USP40: variants seen among roughly 807,000 people sequenced by gnomAD.
USP40 encodes ubiquitin specific peptidase 40, also known as ubiquitin carboxyl-terminal hydrolase 40.
USP40 carries 143 observed loss-of-function variants against 166.2 expected under a neutral mutation model. That is an observed-to-expected ratio of 0.86 (90% CI 0.75 to 0.99). USP40 has a LOEUF of 0.99. Among genes scored for constraint, USP40 ranks in the 50% least tolerant of loss-of-function variants. The pLI, the probability that USP40 is intolerant of heterozygous loss-of-function variation, is 0.00. For missense variants in USP40, 1,444 were observed against 1,479.7 expected (o/e 0.98, Z 0.40); for synonymous variants, 498 against 524.0 (o/e 0.95, Z 0.68).
chr2:233,547,811 T>C (rs2070124290), intron 8 of USP40, among the ~76,000 whole-genome samples: 1 of 152,230 alleles, frequency 6.6e-6, no homozygotes, highest in Non-Finnish European at 1.5e-5. Context: ...CCACTGAGTA[T>C]GTGTGTGTAT....
intron 10 of USP40, among the ~76,000 whole-genome samples, chr2:233,534,941 AG>A (rs2068832296): frequency 6.6e-6 from 1 of 152,192 alleles, no homozygotes; most frequent in Admixed American, 6.5e-5. Context: ...TAGGCAAAAA[AG>A]GAAAACAACT....
intron 21 of USP40, among the ~76,000 whole-genome samples, chr2:233,500,828 T>C (rs999237248): frequency 6.6e-6 from 1 of 152,250 alleles, no homozygotes; most frequent in Non-Finnish European, 1.5e-5. Flanking sequence ...CATTTCTATA[T>C]GTATGTATAT....
intron 31 of USP40, among the ~76,000 whole-genome samples, chr2:233,478,754 C>T (rs977198073): frequency 3.9e-5 from 6 of 152,142 alleles, no homozygotes; most frequent in South Asian, 2.1e-4. Flanking sequence ...CACCATGAGA[C>T]GGGGCAGCTG....
At chr2:233,477,639 A>G in intron 31 of USP40, 136 bp from the exon 32 acceptor site, 9 of 756,436 alleles carry the variant, frequency 1.2e-5, no homozygotes, top group Non-Finnish European at 1.7e-5. Flanking sequence ...GACAGATCTC[A>G]GCCACCTGCC....
At chr2:233,537,345 G>T (rs571873851) in intron 10 of USP40, among the ~76,000 whole-genome samples, 10 of 152,130 alleles carry the variant, frequency 6.6e-5, no homozygotes, top group African/African-American at 1.9e-4. Flanking sequence ...GATATGGAAG[G>T]ATATAGTTAG....
intron 10 of USP40, among the ~76,000 whole-genome samples, chr2:233,538,161 A>C (rs2125299958): frequency 6.6e-6 from 1 of 152,296 alleles, no homozygotes; most frequent in South Asian, 2.1e-4. Context: ...AGCCAACAAA[A>C]GAGCTAAAAA....
chr2:233,540,526 G>A, intron 10 of USP40, 136 bp downstream of exon 10: 1 of 550,290 alleles, frequency 1.8e-6, no homozygotes, highest in Non-Finnish European at 3.2e-6. Flanking sequence ...AACTTAGTAG[G>A]ATTCTAGCCA....
chr2:233,488,400 G>T (rs2065088635), intron 27 of USP40, 96 bp from the exon 28 acceptor site: 6 of 1,226,612 alleles, frequency 4.9e-6, no homozygotes, highest in Non-Finnish European at 6.9e-6. Flanking sequence ...CTTAAGCAAA[G>T]AATTGTTTTC....
chr2:233,555,132 G>A (rs1051010916), intron 5 of USP40, among the ~76,000 whole-genome samples: 9 of 152,148 alleles, frequency 5.9e-5, no homozygotes, highest in Admixed American at 2.0e-4. Flanking sequence ...GGCGGAGGTC[G>A]CAGTGAGCCG....
rs139962694 is a variant in USP40 at position 233,559,681 on chromosome 2, G to T, written c.381+130C>A. 2.3e-3 allele frequency: 1,230 copies of T among 530,156 alleles called. 5 individuals carry two copies. The highest frequency in any genetic ancestry group is 0.022 in the African/African-American group (1,112 of 51,178). 32.8% of individuals were successfully genotyped at this position (530,156 alleles called of 1,614,324 possible). A position where few individuals can be genotyped will look rare whatever the true frequency, so the allele number is the denominator to read the frequency against. ...TATTTCTGGCTTGTAATTTTTTAAT[G>T]TGAGAAGGAAACATTCAAACAATAT... On this transcript the variant is annotated intron_variant, in intron 4 of 31. Transcript: ENST00000678225.
chr2:233,507,060 G>A (rs373118902), intron 21 of USP40, among the ~76,000 whole-genome samples: 2 of 151,842 alleles, frequency 1.3e-5, no homozygotes, highest in African/African-American at 2.4e-5. Context: ...CAACAGGTAC[G>A]CACACAAAAA....
At chr2:233,499,997 G>C (rs1289381073) in intron 21 of USP40, 82 bp from the exon 22 acceptor site, 1 of 1,165,262 alleles carries the variant, frequency 8.6e-7, no homozygotes, top group African/African-American at 1.5e-5. Flanking sequence ...TGGACCCTAG[G>C]CCTATTTAAG....
In USP40 at chr2:233,477,486, T is replaced by C. The variant is rs1486685842; in HGVS notation, c.3617A>G (p.Glu1206Gly). 2.5e-6 allele frequency: 4 copies of C among 1,613,492 alleles called. No homozygotes were observed. Among genetic ancestry groups the C allele is most frequent in the Non-Finnish European group, 3.4e-6 (4 of 1,179,814 alleles). ...ACTGGAGAGGATGTAGCTGCTCTGCTCATGGAGGGCTTCTTGGCTGCAGAG... is the reference window on the plus strand; with the variant it reads ...ACTGGAGAGGATGTAGCTGCTCTGCCCATGGAGGGCTTCTTGGCTGCAGAG... ...GRRKSQEALH[E>G]QSSYILSSAE... The change falls in exon 32 of 32, where the codon GAG becomes GGG. Residue 1206 changes from glutamate (E) to glycine (G), a missense_variant. Physicochemically the swap from Glu to Gly is moderately conservative, Grantham distance 98. Transcript: ENST00000678225.
chr2:233,495,432 T>C (rs1377303837), intron 24 of USP40, among the ~76,000 whole-genome samples: 1 of 152,096 alleles, frequency 6.6e-6, no homozygotes, highest in Non-Finnish European at 1.5e-5. Context: ...TTTAAATTTT[T>C]ATTGAAAAGA....
intron 31 of USP40, among the ~76,000 whole-genome samples, chr2:233,478,589 T>C (rs2064335045): frequency 6.6e-6 from 1 of 152,250 alleles, no homozygotes; most frequent in South Asian, 2.1e-4. Flanking sequence ...TGCAGAAATC[T>C]GTCCTACAGA....
intron 29 of USP40, 61 bp downstream of exon 29, chr2:233,485,706 G>A: frequency 1.2e-6 from 2 of 1,601,830 alleles, no homozygotes; most frequent in Non-Finnish European, 1.7e-6. Flanking sequence ...GTGAAAAATT[G>A]CATAACCTCA....
chr2:233,499,953 TTC>T, intron 21 of USP40, 38 bp from the exon 22 acceptor site: 2 of 1,595,984 alleles, frequency 1.3e-6, no homozygotes, highest in Non-Finnish European at 1.7e-6. Flanking sequence ...AGTTTTCTGT[TTC>T]TGAGTTACAG....
intron 28 of USP40, chr2:233,487,980 C>T (rs1264550982): frequency 1.5e-6 from 1 of 649,004 alleles, no homozygotes; most frequent in Admixed American, 2.1e-5. Flanking sequence ...GCTGACACTT[C>T]AGGGCCATCA....
Position 233,559,911 on chromosome 2 carries a change from G to A in USP40, c.281C>T (p.Pro94Leu). The part of the protein sequence containing the change: ...DKPDAKVRII[P>L]LQLQRLFAQL... ...AGCAAACAAGCGCTGTAACTGTAAA[G>A]GGATGATTCGAACCTGAATGAGAAA... Residue 94 changes from proline to leucine, a missense_variant, in exon 4 of 32, where the codon CCT (proline) becomes CTT (leucine). Transcript: ENST00000678225. 3 of 1,604,932 alleles carry A rather than the reference G, an allele frequency of 1.9e-6. No homozygotes were observed. Among genetic ancestry groups the A allele is most frequent in the Non-Finnish European group, 2.6e-6 (3 of 1,175,660 alleles).
Sources: gnomAD v4.1 joint callset for allele counts (sites outside exome capture counted in the v4.1 genomes callset) on GRCh38, gnomAD v4.1.1 for gene constraint, MANE v1.5 for transcripts, NCBI Gene and HGNC (gene_info 2026-07-23, HGNC 2026-07-21) for gene names.